The following MYRFL variants were observed in gnomAD, a reference collection of about 807,000 sequenced individuals.
MYRFL encodes the protein myelin regulatory factor like.
MYRFL carries 88 observed loss-of-function variants against 109.4 expected under a neutral mutation model. That is an observed-to-expected ratio of 0.80 (90% CI 0.68 to 0.96). MYRFL has a LOEUF of 0.96. MYRFL is among the 40% of genes least tolerant of loss of function. The pLI, the probability that MYRFL is intolerant of heterozygous loss-of-function variation, is 0.00. For missense variants in MYRFL, 957 were observed against 954.9 expected (o/e 1.00, Z -0.03); for synonymous variants, 324 against 320.9 (o/e 1.01, Z -0.10).
intron 2 of MYRFL, among the ~76,000 whole-genome samples, chr12:69,864,636 TAC>T (rs889705175): frequency 2.1e-3 from 168 of 78,384 alleles, no homozygotes; most frequent in African/African-American, 7.4e-3. Flanking sequence ...TCAAGGAAGT[TAC>T]ACACACACAC....
At chr12:69,866,605 T>C (rs1885030007) in intron 2 of MYRFL, among the ~76,000 whole-genome samples, 2 of 152,202 alleles carry the variant, frequency 1.3e-5, no homozygotes, top group African/African-American at 4.8e-5. Flanking sequence ...ATCATGTTAC[T>C]TCCCCTCTAC....
At chr12:69,834,676 A>G (rs1046017196) in intron 1 of MYRFL, among the ~76,000 whole-genome samples, 32 of 152,202 alleles carry the variant, frequency 2.1e-4, no homozygotes, top group African/African-American at 7.7e-4. Context: ...AGCTACATAC[A>G]TAGATCCATA....
intron 23 of MYRFL, 53 bp from the exon 24 acceptor site, chr12:69,958,196 T>C: frequency 7.0e-7 from 1 of 1,426,870 alleles, no homozygotes; most frequent in Admixed American, 2.0e-5. Flanking sequence ...TACTCTTTCC[T>C]ACTGACTGTC....
rs916041307 is a variant in MYRFL, at chr12:69,879,038, C to T, written c.148C>T (p.Leu50Phe). 12 of 702,846 alleles carry T rather than the reference C, an allele frequency of 1.7e-5. No homozygotes were observed. The highest frequency in any genetic ancestry group is 1.2e-4 in the South Asian group (8 of 67,602). The allele number at this position is 702,846 out of a possible 1,614,324, so 43.5% of individuals were successfully genotyped here. ...GTCTCTAATCTTCAGGCAACGCCAG[C>T]TCCCAGACACCCCGCCCTATTCTGC... ...DFDLGALQRQ[L>F]PDTPPYSASD... The change falls in exon 3 of 25, where the codon CTC (leucine) becomes TTC (phenylalanine). Residue 50 changes from leucine (L) to phenylalanine (F), a missense_variant. By Grantham distance (22) the Leu-to-Phe change is conservative. Transcript: ENST00000552032.
chr12:69,905,856 ATGG>A (rs1433896341), intron 11 of MYRFL, among the ~76,000 whole-genome samples: 2 of 152,172 alleles, frequency 1.3e-5, no homozygotes, highest in African/African-American at 4.8e-5. Context: ...GAGGGAGATG[ATGG>A]TAATGTTGAT....
chr12:69,883,519 G>T (rs1886255483), intron 5 of MYRFL, among the ~76,000 whole-genome samples: 1 of 152,038 alleles, frequency 6.6e-6, no homozygotes, highest in Admixed American at 6.6e-5. Flanking sequence ...GCAAAGCACT[G>T]CCATTTGCAA....
At chr12:69,825,650 T>A in intron 1 of MYRFL, 87 bp downstream of exon 1, 1 of 666,776 alleles carries the variant, frequency 1.5e-6, no homozygotes, top group Non-Finnish European at 2.7e-6. Context: ...CACTTAAACT[T>A]TGTTTTGAAA....
chr12:69,910,715 C>T (rs1360336024), intron 12 of MYRFL, 106 bp from the exon 13 acceptor site: 12 of 693,544 alleles, frequency 1.7e-5, no homozygotes, highest in Non-Finnish European at 2.5e-5. Context: ...CTCAAAATTC[C>T]TTCTTTGCTG....
At chr12:69,890,913 T>G in intron 6 of MYRFL, 58 bp from the exon 7 acceptor site, 2 of 1,320,478 alleles carry the variant, frequency 1.5e-6, no homozygotes. Flanking sequence ...ATACTGTTAA[T>G]GAAAATAAAT....
chr12:69,939,877 C>T (rs1350908793), intron 19 of MYRFL, among the ~76,000 whole-genome samples: 6 of 152,006 alleles, frequency 3.9e-5, no homozygotes, highest in Non-Finnish European at 8.8e-5. Context: ...AACCAAGGTT[C>T]GAGAACTACG....
intron 11 of MYRFL, among the ~76,000 whole-genome samples, chr12:69,907,373 A>G (rs952499884): frequency 6.6e-6 from 1 of 152,148 alleles, no homozygotes; most frequent in Non-Finnish European, 1.5e-5. Context: ...ACCAGGGACC[A>G]TTTCCCTCTC....
intron 2 of MYRFL, among the ~76,000 whole-genome samples, chr12:69,863,140 G>A (rs1884797094): frequency 6.6e-6 from 1 of 151,998 alleles, no homozygotes; most frequent in Admixed American, 6.6e-5. Context: ...TGTGCTGCTG[G>A]ATTCGGTTTG....
intron 10 of MYRFL, among the ~76,000 whole-genome samples, chr12:69,902,849 C>T (rs183598799): frequency 1.3e-5 from 2 of 152,326 alleles, no homozygotes; most frequent in East Asian, 3.9e-4. Context: ...CCAATGGTTT[C>T]ACTTGGATTT....
intron 13 of MYRFL, among the ~76,000 whole-genome samples, chr12:69,925,085 A>G (rs1016951209): frequency 2.0e-5 from 3 of 152,212 alleles, no homozygotes; most frequent in Non-Finnish European, 4.4e-5. Flanking sequence ...ATAGAATTGA[A>G]CATGCTTTGA....
chr12:69,917,634 C>A (rs1954782302), intron 13 of MYRFL, among the ~76,000 whole-genome samples: 1 of 152,052 alleles, frequency 6.6e-6, no homozygotes, highest in Non-Finnish European at 1.5e-5. Flanking sequence ...TATTGCCATT[C>A]TCTTTCCGTT....
chr12:69,942,064 G>C (rs1955668963), intron 19 of MYRFL, among the ~76,000 whole-genome samples: 1 of 145,144 alleles, frequency 6.9e-6, no homozygotes, highest in Non-Finnish European at 1.5e-5. Context: ...ACCAAAAAGA[G>C]TCCAGGACCA....
At chr12:69,865,650 C>G (rs138620629) in intron 2 of MYRFL, among the ~76,000 whole-genome samples, 43 of 152,234 alleles carry the variant, frequency 2.8e-4, no homozygotes, top group African/African-American at 8.7e-4. Flanking sequence ...TGCCAAGGCA[C>G]CATACTTTGG....
chr12:69,939,223 T>G (rs906503638), intron 19 of MYRFL, among the ~76,000 whole-genome samples: 2 of 152,126 alleles, frequency 1.3e-5, no homozygotes, highest in African/African-American at 4.8e-5. Flanking sequence ...CTGTGTAGGC[T>G]CCACCTCTGG....
At chr12:69,857,113 A>G (rs1884340551) in intron 2 of MYRFL, among the ~76,000 whole-genome samples, 1 of 151,922 alleles carries the variant, frequency 6.6e-6, no homozygotes, top group Non-Finnish European at 1.5e-5. Flanking sequence ...TCCTGGAATC[A>G]TTTGTTAAAT....
Sources: gnomAD v4.1 joint callset for allele counts (sites outside exome capture counted in the v4.1 genomes callset) on GRCh38, gnomAD v4.1.1 for gene constraint, MANE v1.5 for transcripts, NCBI Gene and HGNC (gene_info 2026-07-23, HGNC 2026-07-21) for gene names.